LPCAT2: variants seen among roughly 807,000 people sequenced by gnomAD.
LPCAT2 encodes 1-AGP acyltransferase 11.
LPCAT2 carries 58 observed loss-of-function variants against 64.7 expected under a neutral mutation model. The ratio of observed to expected loss-of-function variants is 0.90; its 90% CI spans 0.73 to 1.12. The LOEUF is 1.12. Among genes scored for constraint, LPCAT2 ranks in the 50% most tolerant of loss-of-function variants. The pLI is 0.00. For missense variants in LPCAT2, 579 were observed against 669.8 expected (o/e 0.86, Z 1.50); for synonymous variants, 252 against 245.3 (o/e 1.03, Z -0.26).
intron 8 of LPCAT2, chr16:55,538,213 G>C (rs185921861): frequency 6.5e-6 from 1 of 152,810 alleles, no homozygotes; most frequent in Admixed American, 6.5e-5. Context: ...AGGCTCTAAA[G>C]GTTGGTTCTA....
chr16:55,563,845 C>T lies in LPCAT2; in HGVS notation c.1216-10786C>T, dbSNP rs951230354. Among the ~76,000 whole-genome samples the T allele has an allele frequency of 8.6e-5, 13 of 151,586 alleles. 1 individual carries two copies. In the South Asian group the frequency reaches 1.7e-3, roughly 19 times the overall value. On this transcript the variant is annotated intron_variant, in intron 11 of 13. Transcript: ENST00000262134. Reference sequence around the variant, plus strand: ...ACTAACATGGTATTGGAAATCATCGCGAGAACAGTTAGGCAAGAAAAAGAA... The same window carrying T: ...ACTAACATGGTATTGGAAATCATCGTGAGAACAGTTAGGCAAGAAAAAGAA...
chr16:55,527,036 A>T (rs1030232217), intron 2 of LPCAT2, among the ~76,000 whole-genome samples: 4 of 152,304 alleles, frequency 2.6e-5, no homozygotes, highest in Admixed American at 6.5e-5. Flanking sequence ...AATACACTTC[A>T]TATCATTACA....
intron 10 of LPCAT2, among the ~76,000 whole-genome samples, chr16:55,550,743 A>G (rs1428767778): frequency 1.2e-4 from 19 of 152,168 alleles, no homozygotes; most frequent in African/African-American, 4.6e-4. Flanking sequence ...GTGAAACCCC[A>G]TCTCTCCTAA....
At chr16:55,515,479 C>T (rs1962997864) in intron 1 of LPCAT2, among the ~76,000 whole-genome samples, 1 of 151,896 alleles carries the variant, frequency 6.6e-6, no homozygotes, top group South Asian at 2.1e-4. Context: ...AAGGGAGTCT[C>T]TCAGGCTGAA....
At chr16:55,566,210 G>C (rs772311131) in intron 11 of LPCAT2, among the ~76,000 whole-genome samples, 11 of 152,154 alleles carry the variant, frequency 7.2e-5, no homozygotes, top group Admixed American at 1.3e-4. Flanking sequence ...TCAGGACCTT[G>C]CATTTTAAAA....
chr16:55,509,523 G>A (rs1962894340), intron 1 of LPCAT2, among the ~76,000 whole-genome samples, 171 bp downstream of exon 1: 1 of 150,908 alleles, frequency 6.6e-6, no homozygotes, highest in Non-Finnish European at 1.5e-5. Context: ...GTGGCCTGAA[G>A]GGGGCATGGG....
intron 1 of LPCAT2, among the ~76,000 whole-genome samples, chr16:55,517,710 T>A (rs541735990): frequency 6.6e-6 from 1 of 152,220 alleles, no homozygotes; most frequent in East Asian, 1.9e-4. Context: ...ATGAGCACCA[T>A]ATTTAATGAA....
intron 1 of LPCAT2, among the ~76,000 whole-genome samples, chr16:55,510,899 A>G (rs1249251123): frequency 2.6e-5 from 4 of 152,212 alleles, no homozygotes; most frequent in Non-Finnish European, 5.9e-5. Flanking sequence ...TGGAATGTTG[A>G]CAAATATTTA....
chr16:55,566,265 CT>C (rs1963694856), intron 11 of LPCAT2, among the ~76,000 whole-genome samples: 1 of 152,136 alleles, frequency 6.6e-6, no homozygotes, highest in Non-Finnish European at 1.5e-5. Flanking sequence ...TTTTGAGAAT[CT>C]TTGCTAAAGG....
rs1963158881 is a variant in LPCAT2, at chr16:55,525,582, A to G, written c.246A>G (p.Pro82=). The change falls in exon 2 of 14, where the codon CCA becomes CCG. Residue 82 remains proline, a synonymous_variant. Coordinates refer to ENST00000262134, the MANE Select transcript of LPCAT2 (RefSeq NM_017839.5). ...LVALILLLAW[P]FAAISTVCCP... ...CGTTAATTTTATTACTTGCATGGCC[A>G]TTTGCTGCAATTTCAACAGTATGCT... 2 of 1,612,448 alleles carry G rather than the reference A, an allele frequency of 1.2e-6. No individual in the cohort carries two copies. Among genetic ancestry groups the G allele is most frequent in the Non-Finnish European group, 1.7e-6 (2 of 1,179,110 alleles).
At chr16:55,567,023 T>C in intron 11 of LPCAT2, 1 of 1,613,912 alleles carries the variant, frequency 6.2e-7, no homozygotes, top group South Asian at 1.1e-5. Flanking sequence ...CACAGCTGGC[T>C]GGACCAGACA....
Position 55,582,987 on chromosome 16 carries a change from G to A in LPCAT2, c.1524G>A (p.Thr508=), listed in dbSNP as rs773688198. The change falls in exon 14 of 14, where the codon ACG becomes ACA. Residue 508 remains threonine, a synonymous_variant. Transcript: ENST00000262134. The part of the protein sequence containing the change: ...KIFTTYLDLQ[T]CHVFSLPKEV... The stretch of plus-strand genomic sequence containing the variant: ...TTACAACATACCTAGACCTCCAGAC[G>A]TGCCATGTGTTTTCATTACCAAAAG... The A allele has an allele frequency of 2.2e-5, 35 of 1,613,460 alleles. No homozygotes were observed. Among genetic ancestry groups the A allele is most frequent in the East Asian group, 6.7e-5 (3 of 44,850 alleles).
intron 8 of LPCAT2, among the ~76,000 whole-genome samples, chr16:55,544,767 C>G (rs1367634876): frequency 2.0e-5 from 3 of 152,110 alleles, no homozygotes; most frequent in African/African-American, 4.8e-5. Context: ...CCTTTCCTAC[C>G]TCTTGCTCTC....
intron 4 of LPCAT2, 125 bp from the exon 5 acceptor site, chr16:55,531,789 G>A (rs1963256413): frequency 4.6e-6 from 3 of 656,948 alleles, no homozygotes; most frequent in South Asian, 1.7e-5. Context: ...AGAATCAAAT[G>A]TTAGCCTTTT....
At chr16:55,540,595 CTG>C (rs10569129) in intron 8 of LPCAT2, 13,498 of 152,562 alleles carry the variant, frequency 0.088, 854 homozygotes, top group African/African-American at 0.17. Flanking sequence ...TTTACACTGA[CTG>C]TGCAGTCAGT....
At chr16:55,582,430 C>T (rs557267678) in intron 13 of LPCAT2, among the ~76,000 whole-genome samples, 1 of 152,198 alleles carries the variant, frequency 6.6e-6, no homozygotes, top group African/African-American at 2.4e-5. Flanking sequence ...TTATGTGTTA[C>T]TTTATATCTT....
At chr16:55,569,009 AT>A (rs1963739323) in intron 11 of LPCAT2, among the ~76,000 whole-genome samples, 1 of 152,096 alleles carries the variant, frequency 6.6e-6, no homozygotes, top group African/African-American at 2.4e-5. Context: ...TTTTTAATGC[AT>A]TGTCTCTATC....
At chr16:55,538,023 A>T (rs1477654570) in intron 8 of LPCAT2, among the ~76,000 whole-genome samples, 3 of 152,198 alleles carry the variant, frequency 2.0e-5, no homozygotes, top group Non-Finnish European at 2.9e-5. Context: ...TCTAGGGGAG[A>T]GACATAGAGG....
intron 11 of LPCAT2, among the ~76,000 whole-genome samples, chr16:55,553,197 C>T (rs1183419054): frequency 6.6e-6 from 1 of 151,920 alleles, no homozygotes; most frequent in African/African-American, 2.4e-5. Flanking sequence ...GAGATCATGC[C>T]ATTGCACTCC....
Sources: gnomAD v4.1 joint callset for allele counts (sites outside exome capture counted in the v4.1 genomes callset) on GRCh38, gnomAD v4.1.1 for gene constraint, MANE v1.5 for transcripts, NCBI Gene and HGNC (gene_info 2026-07-23, HGNC 2026-07-21) for gene names.